The following DMD variants were observed in gnomAD, a reference collection of about 807,000 sequenced individuals.
The protein encoded by DMD is mutant dystrophin.
Under a neutral mutation model 330.1 loss-of-function variants are expected in DMD, and 63 were observed. That is an observed-to-expected ratio of 0.19 (90% confidence interval 0.16 to 0.24). The LOEUF (loss-of-function observed/expected upper bound fraction) is 0.24. Ranked by LOEUF, DMD falls within the 10% of genes least tolerant of loss-of-function variation. The pLI is 1.00. For missense variants in DMD, 3,344 were observed against 2,684.1 expected, an observed-to-expected ratio of 1.25 and a Z score of -5.43; for synonymous variants, 1,223 against 959.8, an observed-to-expected ratio of 1.27 and a Z score of -5.07.
chrX:32,380,163 C>A (rs1433193980), intron 34 of DMD, among the ~76,000 whole-genome samples: 1 of 111,455 alleles, frequency 9.0e-6, no homozygotes, highest in Non-Finnish European at 1.9e-5. Context: ...TGTGTCCTTG[C>A]CCTCTTCATG....
At chrX:32,093,524 G>A (rs890092608) in intron 44 of DMD, among the ~76,000 whole-genome samples, 21 of 111,535 alleles carry the variant, frequency 1.9e-4, no homozygotes, top group African/African-American at 5.9e-4. Flanking sequence ...TTATTTTGTC[G>A]AAAAACTAAA....
intron 7 of DMD, among the ~76,000 whole-genome samples, chrX:32,783,829 G>A (rs368919941): frequency 3.6e-5 from 4 of 110,833 alleles, no homozygotes; most frequent in East Asian, 2.8e-4. Flanking sequence ...AGGCACAGTC[G>A]TATTCTTAAA....
intron 17 of DMD, among the ~76,000 whole-genome samples, chrX:32,539,683 T>A (rs1335583366): frequency 8.9e-6 from 1 of 111,944 alleles, no homozygotes; most frequent in Non-Finnish European, 1.9e-5. Flanking sequence ...TGCAGAGCGG[T>A]CTTATCTGTT....
chrX:32,944,765 C>T (rs930715365), intron 2 of DMD, among the ~76,000 whole-genome samples: 3 of 109,802 alleles, frequency 2.7e-5, no homozygotes, highest in Admixed American at 9.8e-5. Flanking sequence ...CCATCATGCC[C>T]GGCTAATTTT....
chrX:32,280,144 GTATATATATATATATATACAGTATATATA>G (rs1163608596), intron 43 of DMD, among the ~76,000 whole-genome samples: 230 of 46,156 alleles, frequency 5.0e-3, no homozygotes, highest in African/African-American at 0.016. Flanking sequence ...TATATATACA[GTATATATATATATATATACAGTATATATA>G]TATATATATA....
Position 32,262,532 on chromosome X carries a change from A to G in DMD, c.6290+24997T>C, listed in dbSNP as rs1372455028. Reference sequence around the variant, plus strand: ...TACCACAATGAAATTGTTTCCAAAAAGGACTAGCTTGGCCAATACACTACC... The same window carrying G: ...TACCACAATGAAATTGTTTCCAAAAGGGACTAGCTTGGCCAATACACTACC... On this transcript the variant is annotated intron_variant, in intron 43 of 78. Transcript: ENST00000357033. Among the ~76,000 whole-genome samples, 4 of 111,700 alleles carry G rather than the reference A, an allele frequency of 3.6e-5. No homozygotes were observed. In the Admixed American group the frequency reaches 3.8e-4, roughly 11 times the overall value.
At chrX:32,164,797 C>A (rs185172420) in intron 44 of DMD, among the ~76,000 whole-genome samples, 3,115 of 110,278 alleles carry the variant, frequency 0.028, 106 homozygotes, top group African/African-American at 0.098. Context: ...GACCAGGTCC[C>A]CCCCCCAACC....
chrX:33,048,900 A>C (rs1021135924), intron 1 of DMD, among the ~76,000 whole-genome samples: 1 of 110,535 alleles, frequency 9.0e-6, no homozygotes, highest in Non-Finnish European at 1.9e-5. Context: ...TGGTGATTCC[A>C]ATCATTGGGG....
chrX:31,485,251 G>A (rs1206000335), intron 57 of DMD, among the ~76,000 whole-genome samples: 2 of 112,328 alleles, frequency 1.8e-5, no homozygotes, highest in African/African-American at 6.5e-5. Context: ...CTGGAGTGCA[G>A]TGGCACGATC....
chrX:31,977,787 C>CAAAAAAA (rs759262885), intron 44 of DMD, among the ~76,000 whole-genome samples: 2 of 60,354 alleles, frequency 3.3e-5, no homozygotes, highest in African/African-American at 5.7e-5. Flanking sequence ...CTCTGCAAAT[C>CAAAAAAA]AAAAAAAAAA....
At chrX:31,317,714 T>C (rs1240731302) in intron 62 of DMD, among the ~76,000 whole-genome samples, 2 of 110,812 alleles carry the variant, frequency 1.8e-5, no homozygotes, top group Admixed American at 9.6e-5. Context: ...GGTTTCACCA[T>C]GTTAGCCAGG....
chrX:32,823,258 T>C (rs1358557075), intron 5 of DMD, 37 bp downstream of exon 5: 2 of 1,089,198 alleles, frequency 1.8e-6, no homozygotes, highest in East Asian at 3.0e-5. Flanking sequence ...ACAAGATTAA[T>C]GTTACCCAAA....
chrX:32,106,514 G>C (rs911821039), intron 44 of DMD, among the ~76,000 whole-genome samples: 2 of 111,842 alleles, frequency 1.8e-5, no homozygotes, highest in South Asian at 7.5e-4. Context: ...CTGTGCTTCA[G>C]TTTCTTCATC....
At chrX:32,862,615 C>T (rs867013375) in intron 2 of DMD, among the ~76,000 whole-genome samples, 1 of 100,770 alleles carries the variant, frequency 9.9e-6, no homozygotes, top group African/African-American at 3.8e-5. Context: ...AATGCTTTAT[C>T]TTATATTTTT....
At chrX:31,327,398 G>T (rs760776430) in intron 61 of DMD, among the ~76,000 whole-genome samples, 12 of 112,097 alleles carry the variant, frequency 1.1e-4, no homozygotes, top group Non-Finnish European at 1.9e-4. Flanking sequence ...TTATTTAGGG[G>T]AAGTTGTTAT....
intron 51 of DMD, among the ~76,000 whole-genome samples, chrX:31,763,574 A>C (rs944858549): frequency 8.9e-6 from 1 of 111,891 alleles, no homozygotes; most frequent in Non-Finnish European, 1.9e-5. Context: ...AAAAAACAAA[A>C]CAAAAACAAA....
chrX:32,161,996 A>G (rs766190182), intron 44 of DMD, among the ~76,000 whole-genome samples: 2 of 111,576 alleles, frequency 1.8e-5, no homozygotes, highest in Non-Finnish European at 3.8e-5. Flanking sequence ...GAGGCTTCAA[A>G]AAGAAAGAAA....
rs199821268 is a variant in DMD, at chrX:32,594,765, A to AG, written c.1602+991dup. 3.6e-3 allele frequency among the ~76,000 whole-genome samples: 399 copies of AG among 111,691 alleles called. 9 individuals are homozygous for AG. The highest frequency in any genetic ancestry group is 0.026 in the Admixed American group (274 of 10,442). ...TCTTCTTGCTTTTAAAAAGTAAACTAGGTAAGACAAGATTATATCACTTGC... is the reference window on the plus strand; with the variant it reads ...TCTTCTTGCTTTTAAAAAGTAAACTAGGGTAAGACAAGATTATATCACTTGC... On this transcript the variant is annotated intron_variant, in intron 13 of 78. Transcript: ENST00000357033.
At chrX:32,166,330 G>A (rs946770086) in intron 44 of DMD, among the ~76,000 whole-genome samples, 2 of 110,580 alleles carry the variant, frequency 1.8e-5, no homozygotes, top group African/African-American at 6.6e-5. Context: ...CGTGGTACAT[G>A]CCTGTAGACC....
Sources: gnomAD v4.1 joint callset for allele counts (sites outside exome capture counted in the v4.1 genomes callset) on GRCh38, gnomAD v4.1.1 for gene constraint, MANE v1.5 for transcripts, NCBI Gene and HGNC (gene_info 2026-07-23, HGNC 2026-07-21) for gene names.